NCLN: variants seen among roughly 807,000 people sequenced by gnomAD.
NCLN encodes the protein nicalin, also known as BOS complex subunit NCLN.
Under a neutral mutation model 69.5 loss-of-function variants are expected in NCLN, and 34 were observed. The observed-to-expected ratio is 0.49, with a 90% CI of 0.37 to 0.65. NCLN has a LOEUF of 0.65. Ranked by LOEUF, NCLN falls within the 30% of genes least tolerant of loss-of-function variation. NCLN has a pLI of 0.00. For missense variants in NCLN, 710 were observed against 804.8 expected (o/e 0.88, Z 1.42); for synonymous variants, 393 against 358.3 (o/e 1.10, Z -1.09).
Position 3,207,891 on chromosome 19 carries a change from C to T in NCLN, c.*203C>T, listed in dbSNP as rs1268431770. On this transcript the variant is annotated 3_prime_UTR_variant, in exon 15 of 15. Coordinates refer to ENST00000246117, the MANE Select transcript of NCLN (RefSeq NM_020170.4). ...GGGGATTGTTTCTTCTTTTCCTTGT[C>T]TTTGAACTTCCTTGGAGGAGAGCTT... The T allele has an allele frequency of 1.7e-6, 1 of 579,162 alleles. No individual in the cohort carries two copies. The highest frequency in any genetic ancestry group is 1.9e-5 in the African/African-American group (1 of 53,356). The allele number at this position is 579,162 out of a possible 1,614,324, so 35.9% of individuals were successfully genotyped here.
intron 2 of NCLN, among the ~76,000 whole-genome samples, chr19:3,192,980 A>G (rs1337971348): frequency 6.9e-6 from 1 of 145,064 alleles, no homozygotes; most frequent in East Asian, 2.1e-4. Flanking sequence ...TGCGCAGGAG[A>G]ACCTGCCTAG....
intron 3 of NCLN, among the ~76,000 whole-genome samples, chr19:3,195,168 C>T (rs543394795): frequency 1.9e-4 from 24 of 126,710 alleles, no homozygotes; most frequent in African/African-American, 6.8e-4. Context: ...GGTGACAGTA[C>T]GATACTCCGA....
chr19:3,207,981 C>A lies in NCLN; in HGVS notation c.*293C>A. 2 of 459,512 alleles carry A rather than the reference C, an allele frequency of 4.4e-6. No homozygotes were observed. Among genetic ancestry groups the A allele is most frequent in the South Asian group, 2.6e-5 (1 of 37,988 alleles). The allele number at this position is 459,512 out of a possible 1,614,324, so 28.5% of individuals were successfully genotyped here. A position where few individuals can be genotyped will look rare whatever the true frequency, so the allele number is the denominator to read the frequency against. On this transcript the variant is annotated 3_prime_UTR_variant, in exon 15 of 15. Coordinates refer to ENST00000246117, the MANE Select transcript of NCLN (RefSeq NM_020170.4). ...GCCCCCCAGTCCTGGGAGCCGGCCG[C>A]CCTCGGTCTGGTGTAAGCACACATG...
intron 5 of NCLN, among the ~76,000 whole-genome samples, chr19:3,199,476 G>T (rs573807566): frequency 6.6e-6 from 1 of 152,328 alleles, no homozygotes; most frequent in African/African-American, 2.4e-5. Flanking sequence ...CGGGATTCCA[G>T]ACTCCGGAGG....
chr19:3,205,108 C>T lies in NCLN; in HGVS notation c.1208+357C>T, dbSNP rs1001397456. 4.6e-5 allele frequency among the ~76,000 whole-genome samples: 7 copies of T among 152,140 alleles called. No individual in the cohort carries two copies. The highest frequency in any genetic ancestry group is 2.6e-4 in the Admixed American group (4 of 15,284). ...GGCCACCGTCTTGGGGAGCCTGGCC[C>T]GCCACCACACCCCGGCCCTTCCTCG... On this transcript the variant is annotated intron_variant, in intron 9 of 14. Transcript: ENST00000246117. The surrounding 1 kb of genome is among the most constrained non-coding windows in gnomAD (Gnocchi z 4.6).
At position 3,198,836 on chromosome 19, in the gene NCLN, G is replaced by A; in HGVS notation, c.635G>A (p.Gly212Asp). Residue 212 changes from glycine (G) to aspartate (D), a missense_variant, in exon 5 of 15, where the codon GGC becomes GAC. By Grantham distance (94) the Gly-to-Asp change is moderately conservative. Coordinates refer to ENST00000246117, the MANE Select transcript of NCLN (RefSeq NM_020170.4). Reference protein sequence around the residue: ...ASVEGRLTGLGGEDLPTIVIV... With the variant: ...ASVEGRLTGLDGEDLPTIVIV... ...CCACAGGGGCGGCTGACGGGGCTGG[G>A]CGGAGAGGACCTTCCCACCATCGTC... 5.1e-6 allele frequency: 8 copies of A among 1,576,282 alleles called. No individual in the cohort carries two copies. The highest frequency in any genetic ancestry group is 6.9e-6 in the Non-Finnish European group (8 of 1,162,150).
At chr19:3,198,980 G>T in intron 5 of NCLN, 83 bp downstream of exon 5, 1 of 1,008,376 alleles carries the variant, frequency 9.9e-7, no homozygotes, top group South Asian at 2.4e-5. Flanking sequence ...AGCGCCTGTA[G>T]GGGATGGCGG....
chr19:3,197,264 T>C (rs557278423), intron 4 of NCLN, among the ~76,000 whole-genome samples: 1 of 152,348 alleles, frequency 6.6e-6, no homozygotes, highest in South Asian at 2.1e-4. Context: ...TTCCCCTGGC[T>C]GTGCCCTTTC....
rs4594 is a variant in NCLN, at chr19:3,209,485, T to G, written c.*1797T>G. 0.53 allele frequency: 80,699 copies of G among 152,150 alleles called. 22,115 individuals are homozygous for G. The highest frequency in any genetic ancestry group is 0.88 in the East Asian group (4,552 of 5,156). The allele number at this position is 152,150 out of a possible 1,614,324, so 9.4% of individuals were successfully genotyped here. ...TCCTTCCTTCCTGGACAGGTCGTCATGATGGATGCACTGACTGACCGTCTG... is the reference window on the plus strand; with the variant it reads ...TCCTTCCTTCCTGGACAGGTCGTCAGGATGGATGCACTGACTGACCGTCTG... On this transcript the variant is annotated 3_prime_UTR_variant, in exon 15 of 15. Coordinates refer to ENST00000246117, the MANE Select transcript of NCLN (RefSeq NM_020170.4).
intron 12 of NCLN, 132 bp from the exon 13 acceptor site, chr19:3,207,066 C>A: frequency 9.9e-7 from 1 of 1,005,960 alleles, no homozygotes; most frequent in Non-Finnish European, 1.6e-6. Context: ...TCAAGTGATC[C>A]GCCTGCCTCA....
In NCLN at chr19:3,199,171, G is replaced by A. The variant is rs183506371; in HGVS notation, c.696+274G>A. ...CAGGGAGTCTGAGTCAGGGTTCCCC[G>A]GGCCAGCGCTGGGTGCCGTGGCTCC... is the stretch of plus-strand genomic sequence containing the variant. On this transcript the variant is annotated intron_variant, in intron 5 of 14. Transcript: ENST00000246117. Among the ~76,000 whole-genome samples the A allele has an allele frequency of 1.3e-3, 191 of 152,342 alleles. 1 individual carries two copies. Among genetic ancestry groups the A allele is most frequent in the African/African-American group, 4.4e-3 (181 of 41,590 alleles).
rs369449499 is a variant in NCLN, at chr19:3,193,316, C to T, written c.408C>T (p.Ala136=). ...TGGAGATCGAGCCGGAGATGCTGGC[C>T]ATGGAGACCGCCGTCCCCGTGTACT... is the stretch of plus-strand genomic sequence containing the variant. The part of the protein sequence containing the change: ...QFMEIEPEML[A]METAVPVYFA... Residue 136 remains alanine, a synonymous_variant, in exon 3 of 15, where the codon GCC becomes GCT. Coordinates refer to ENST00000246117, the MANE Select transcript of NCLN (RefSeq NM_020170.4). 1.2e-5 allele frequency: 19 copies of T among 1,613,042 alleles called. No individual in the cohort carries two copies. In the African/African-American group the frequency reaches 2.5e-4, roughly 21 times the overall value.
chr19:3,198,229 G>A (rs550638911), intron 4 of NCLN, among the ~76,000 whole-genome samples: 5 of 152,184 alleles, frequency 3.3e-5, no homozygotes, highest in Admixed American at 2.6e-4. Flanking sequence ...CCTCCTGGCC[G>A]GGCGCGGTGG....
At chr19:3,203,432 T>TG (rs1435911858) in intron 6 of NCLN, among the ~76,000 whole-genome samples, 1 of 152,196 alleles carries the variant, frequency 6.6e-6, no homozygotes, top group Non-Finnish European at 1.5e-5. Context: ...CCTCTAGAGC[T>TG]GGGGTCTAAC....
chr19:3,207,819 G>A lies in NCLN; in HGVS notation c.*131G>A, dbSNP rs145367559. ...CCCTCTCCCTCCCCGGCGGTGGTTG[G>A]AACACTGAATTACAGAGCTTTTTTC... On this transcript the variant is annotated 3_prime_UTR_variant, in exon 15 of 15. Transcript: ENST00000246117. The A allele has an allele frequency of 6.2e-3, 4,470 of 716,210 alleles. 151 individuals are homozygous for A. In the African/African-American group the frequency reaches 0.07, roughly 11 times the overall value. The allele number at this position is 716,210 out of a possible 1,614,324, so 44.4% of individuals were successfully genotyped here. A position where few individuals can be genotyped will look rare whatever the true frequency, so the allele number is the denominator to read the frequency against.
intron 4 of NCLN, among the ~76,000 whole-genome samples, chr19:3,197,478 G>A (rs1233726521): frequency 6.6e-6 from 1 of 152,232 alleles, no homozygotes; most frequent in East Asian, 1.9e-4. Flanking sequence ...GTCTCTCTCT[G>A]TCACCCAGGC....
intron 1 of NCLN, among the ~76,000 whole-genome samples, chr19:3,192,094 A>G (rs539776994): frequency 1.1e-4 from 16 of 152,320 alleles, no homozygotes; most frequent in African/African-American, 3.1e-4. Context: ...AGGCTGCGGC[A>G]GGAGAATAGA....
chr19:3,186,348 G>T, intron 1 of NCLN, 134 bp downstream of exon 1: 3 of 1,033,624 alleles, frequency 2.9e-6, no homozygotes, highest in Non-Finnish European at 3.9e-6. Flanking sequence ...GCGAGGCAGA[G>T]CCCTGCCGCC....
chr19:3,200,681 A>G (rs1916103256), intron 5 of NCLN, among the ~76,000 whole-genome samples: 1 of 152,100 alleles, frequency 6.6e-6, no homozygotes, highest in Non-Finnish European at 1.5e-5. Flanking sequence ...GTTTTAGTAC[A>G]TCCAAAGTTG....
Sources: gnomAD v4.1 joint callset for allele counts (sites outside exome capture counted in the v4.1 genomes callset) on GRCh38, gnomAD v4.1.1 for gene constraint, Gnocchi (gnomAD v3.1) non-coding constraint, MANE v1.5 for transcripts, NCBI Gene and HGNC (gene_info 2026-07-23, HGNC 2026-07-21) for gene names.